EVC2: variants seen among roughly 807,000 people sequenced by gnomAD.
EVC2 encodes EvC ciliary complex subunit 2.
EVC2 carries 148 observed loss-of-function variants against 149.3 expected under a neutral mutation model. The ratio of observed to expected loss-of-function variants is 0.99; its 90% CI spans 0.87 to 1.14. The LOEUF (loss-of-function observed/expected upper bound fraction) is 1.14, where lower values mean the gene tolerates loss of function less well. EVC2 is among the 50% of genes most tolerant of loss of function. The pLI is 0.00. For synonymous variants in EVC2, 776 were observed against 649.9 expected (o/e 1.19, Z -2.95); for missense variants, 1,854 against 1,627.3 (o/e 1.14, Z -2.40).
chr4:5,576,142 G>C lies in EVC2; in HGVS notation c.3272+98C>G, dbSNP rs1722908856. The stretch of plus-strand genomic sequence containing the variant: ...GATGACACCTTAGGCAAGAGGGTGA[G>C]AGCCCAGGTGGGTATGGGTGGGCTG... On this transcript the variant is annotated intron_variant, in intron 18 of 21. Coordinates refer to ENST00000344408, the MANE Select transcript of EVC2 (RefSeq NM_147127.5). This position sits in a 1 kb window ranked among gnomAD's most constrained non-coding sequence, Gnocchi z 4.5. The C allele has an allele frequency of 2.5e-6, 4 of 1,591,854 alleles. No individual in the cohort carries two copies. In the Admixed American group the frequency reaches 5.0e-5, roughly 20 times the overall value.
Position 5,683,511 on chromosome 4 carries a change from G to A in EVC2, c.816+1859C>T, listed in dbSNP as rs577525392. On this transcript the variant is annotated intron_variant, in intron 6 of 21. Transcript: ENST00000344408. ...GTTACTGAGCACCTATTACGTGCAG[G>A]GTTCTCTTTTTGGCCCTGGAGACAC... Among the ~76,000 whole-genome samples the A allele has an allele frequency of 2.0e-5, 3 of 152,286 alleles. No individual in the cohort carries two copies. In the East Asian group the frequency reaches 5.8e-4, roughly 29 times the overall value.
rs760929007 is a variant in EVC2, at chr4:5,625,925, T to G, written c.1887-17A>C. On this transcript the variant is annotated splice_polypyrimidine_tract_variant and intron_variant, in intron 12 of 21. Coordinates refer to ENST00000344408, the MANE Select transcript of EVC2 (RefSeq NM_147127.5). This position sits in a 1 kb window ranked among gnomAD's most constrained non-coding sequence, Gnocchi z 4.0. The stretch of plus-strand genomic sequence containing the variant: ...TACCCTGCTCTAGATGGAAAGGATG[T>G]AAAGTTAGGAATGTGGTCTCCAAAC... The G allele has an allele frequency of 1.2e-6, 2 of 1,613,574 alleles. No individual in the cohort carries two copies. The highest frequency in any genetic ancestry group is 3.3e-5 in the Admixed American group (2 of 59,984).
At position 5,625,443 on chromosome 4, in the gene EVC2, A is replaced by C. The variant is rs950051768; in HGVS notation, c.2046+306T>G. Among the ~76,000 whole-genome samples, 1 of 152,106 alleles carries C rather than the reference A, an allele frequency of 6.6e-6. No individual in the cohort carries two copies. The highest frequency in any genetic ancestry group is 2.4e-5 in the African/African-American group (1 of 41,420). ...CACAGTGCTAAGTAAGCAGCCAATA[A>C]ATGTTAGCACCTACCATCATCATTA... On this transcript the variant is annotated intron_variant, in intron 13 of 21. Transcript: ENST00000344408. This position sits in a 1 kb window ranked among gnomAD's most constrained non-coding sequence, Gnocchi z 4.0.
In EVC2 at chr4:5,679,402, A is replaced by T. The variant is rs550329577; in HGVS notation, c.870+1858T>A. On this transcript the variant is annotated intron_variant, in intron 7 of 21. Transcript: ENST00000344408. The surrounding 1 kb of genome is among the most constrained non-coding windows in gnomAD (Gnocchi z 5.1). ...AGACACGCACCACCATGCTCAGCTA[A>T]TTTTTTTTGTATTTTTAGTAAAGAC... Among the ~76,000 whole-genome samples the T allele has an allele frequency of 7.1e-4, 107 of 151,702 alleles. No homozygotes were observed. Among genetic ancestry groups the T allele is most frequent in the African/African-American group, 2.5e-3 (105 of 41,380 alleles).
Position 5,614,508 on chromosome 4 carries a change from G to A in EVC2, c.2829+914C>T, listed in dbSNP as rs1715088167. Among the ~76,000 whole-genome samples the A allele has an allele frequency of 6.6e-6, 1 of 152,142 alleles. No individual in the cohort carries two copies. The highest frequency in any genetic ancestry group is 1.5e-5 in the Non-Finnish European group (1 of 68,022). On this transcript the variant is annotated intron_variant, in intron 16 of 21. Coordinates refer to ENST00000344408, the MANE Select transcript of EVC2 (RefSeq NM_147127.5). This position sits in a 1 kb window ranked among gnomAD's most constrained non-coding sequence, Gnocchi z 4.7. ...ATGAGTGGGAGAATCTACGGTGTTC[G>A]GGTAAGGCTTCTTGGAAGGGGAGAC... is the stretch of plus-strand genomic sequence containing the variant.
At position 5,562,862 on chromosome 4, in the gene EVC2, A is replaced by C. The variant is rs751671346; in HGVS notation, c.3913T>G (p.Leu1305Val). 8.1e-6 allele frequency: 13 copies of C among 1,614,110 alleles called. No individual in the cohort carries two copies. The highest frequency in any genetic ancestry group is 6.7e-5 in the Admixed American group (4 of 60,032). ...FLNAKKAMRA[L>V]GMD ...TTTCCCTTGGGCTAGTCCATGCCCA[A>C]GGCCCTCATGGCCTTTTTGGCATTC... Residue 1305 changes from leucine (L) to valine (V), a missense_variant, in exon 22 of 22, where the codon TTG becomes GTG. By Grantham distance (32) the Leu-to-Val change is conservative (BLOSUM62 1). Transcript: ENST00000344408. The surrounding 1 kb of genome is among the most constrained non-coding windows in gnomAD (Gnocchi z 4.3).
intron 9 of EVC2, among the ~76,000 whole-genome samples, chr4:5,642,531 T>C (rs7356444): frequency 0.66 from 99,995 of 152,126 alleles, 33,082 homozygotes; most frequent in African/African-American, 0.72. Context: ...ACTTGCAAAT[T>C]ACAAAATCTA....
intron 9 of EVC2, among the ~76,000 whole-genome samples, chr4:5,659,457 C>T (rs1718740908): frequency 6.7e-6 from 1 of 149,994 alleles, no homozygotes; most frequent in Admixed American, 6.6e-5. Context: ...AACCACAATG[C>T]CTGAAACTGA....
rs1291128558 is a variant in EVC2, at chr4:5,625,311, C to CAA, written c.2046+437_2046+438insTT. Among the ~76,000 whole-genome samples the CAA allele has an allele frequency of 1.4e-5, 1 of 69,890 alleles. No individual in the cohort carries two copies. The highest frequency in any genetic ancestry group is 9.1e-5 in the African/African-American group (1 of 10,948). 45.9% of individuals were successfully genotyped at this position (69,890 alleles called of 152,430 possible). On this transcript the variant is annotated intron_variant, in intron 13 of 21. Transcript: ENST00000344408. The surrounding 1 kb of genome is among the most constrained non-coding windows in gnomAD (Gnocchi z 4.0). ...CTAGATATTTGACCTTGACCATACA[C>CAA]ACACACACACACACACACACACACA...
chr4:5,704,999 T>C (rs942239243), intron 1 of EVC2, among the ~76,000 whole-genome samples: 1 of 152,184 alleles, frequency 6.6e-6, no homozygotes, highest in African/African-American at 2.4e-5. Context: ...CGTGAGCTTA[T>C]TTGACTAATA....
chr4:5,679,341 T>C lies in EVC2; in HGVS notation c.870+1919A>G, dbSNP rs1231142224. 1.3e-5 allele frequency among the ~76,000 whole-genome samples: 2 copies of C among 152,172 alleles called. No individual in the cohort carries two copies. The highest frequency in any genetic ancestry group is 2.1e-4 in the South Asian group (1 of 4,818). The stretch of plus-strand genomic sequence containing the variant: ...ACCTCCGCCTCCCAGGTTCAAGCAA[T>C]TCGCATGTCTCAGTCTCCCGAGTAG... On this transcript the variant is annotated intron_variant, in intron 7 of 21. Coordinates refer to ENST00000344408, the MANE Select transcript of EVC2 (RefSeq NM_147127.5). This position sits in a 1 kb window ranked among gnomAD's most constrained non-coding sequence, Gnocchi z 5.1.
rs543246739 is a variant in EVC2, at chr4:5,586,919, G to A, written c.2830-2069C>T. 3.3e-4 allele frequency among the ~76,000 whole-genome samples: 50 copies of A among 152,160 alleles called. 1 individual carries two copies. The South Asian group carries it at 8.1e-3, about 25-fold the overall frequency. The stretch of plus-strand genomic sequence containing the variant: ...GTGTCATGGGTGTGTCCTTAACCTT[G>A]GCAAAATAAATTTTCTAAACTGATT... On this transcript the variant is annotated intron_variant, in intron 16 of 21. Transcript: ENST00000344408.
chr4:5,675,736 G>A (rs1257968908), intron 7 of EVC2, among the ~76,000 whole-genome samples: 3 of 152,028 alleles, frequency 2.0e-5, no homozygotes, highest in Admixed American at 6.5e-5. Context: ...CCTGAGGTCC[G>A]GAGTTCAAGA....
chr4:5,618,481 C>G lies in EVC2; in HGVS notation c.2703G>C (p.Leu901=). Residue 901 remains leucine (L), a synonymous_variant, in exon 15 of 22, where the codon CTG becomes CTC. Transcript: ENST00000344408. The surrounding 1 kb of genome is among the most constrained non-coding windows in gnomAD (Gnocchi z 4.4). ...GCCACTGACAGGTCCATCCTACCTG[C>G]AGCTCAGGGGCAGCCACGGCCTGGT... ...KLDQAVAAPE[L]QQQSKVRKSR... is the part of the protein sequence containing the mutation. 6.2e-7 allele frequency: 1 copy of G among 1,612,834 alleles called. No homozygotes were observed. The highest frequency in any genetic ancestry group is 2.0e-4 in the Middle Eastern group (1 of 4,924).
At chr4:5,623,032 G>A (rs759367260) in intron 13 of EVC2, 41 bp from the exon 14 acceptor site, 5 of 1,594,148 alleles carry the variant, frequency 3.1e-6, no homozygotes, top group Non-Finnish European at 4.3e-6. Context: ...GGTGGGGCTT[G>A]GCGGGTACAG....
rs140474832 is a variant in EVC2, at chr4:5,612,008, C to A, written c.2829+3414G>T. The stretch of plus-strand genomic sequence containing the variant: ...GTTGATCTTCCTTACAGATTAACTT[C>A]CCTCTTCTCTCACACACAGACTTCA... On this transcript the variant is annotated intron_variant, in intron 16 of 21. Coordinates refer to ENST00000344408, the MANE Select transcript of EVC2 (RefSeq NM_147127.5). 6.6e-5 allele frequency among the ~76,000 whole-genome samples: 10 copies of A among 152,314 alleles called. No individual in the cohort carries two copies. In the East Asian group the frequency reaches 1.7e-3, roughly 26 times the overall value.
rs1720334530 is a variant in EVC2 at position 5,681,369 on chromosome 4, G to C, written c.817-56C>G. The C allele has an allele frequency of 7.6e-6, 12 of 1,580,662 alleles. No individual in the cohort carries two copies. In the South Asian group the frequency reaches 1.3e-4, roughly 18 times the overall value. ...CAACAGTTTGGGGTCTGACACGTGGGATAACATTTGGTGCGATTTCCAACC... is the reference window on the plus strand; with the variant it reads ...CAACAGTTTGGGGTCTGACACGTGGCATAACATTTGGTGCGATTTCCAACC... On this transcript the variant is annotated intron_variant, in intron 6 of 21. Coordinates refer to ENST00000344408, the MANE Select transcript of EVC2 (RefSeq NM_147127.5).
chr4:5,590,894 C>T (rs1210258592), intron 16 of EVC2, among the ~76,000 whole-genome samples: 1 of 152,168 alleles, frequency 6.6e-6, no homozygotes, highest in Non-Finnish European at 1.5e-5. Flanking sequence ...CAAACACATC[C>T]TTCTTCACAT....
rs908317140 is a variant in EVC2 at position 5,679,418 on chromosome 4, T to C, written c.870+1842A>G. Among the ~76,000 whole-genome samples the C allele has an allele frequency of 6.6e-6, 1 of 152,082 alleles. No individual in the cohort carries two copies. The highest frequency in any genetic ancestry group is 6.5e-5 in the Admixed American group (1 of 15,268). ...GCTCAGCTAATTTTTTTTGTATTTT[T>C]AGTAAAGACCGGTTTAGCCATGTTG... On this transcript the variant is annotated intron_variant, in intron 7 of 21. Transcript: ENST00000344408. This position sits in a 1 kb window ranked among gnomAD's most constrained non-coding sequence, Gnocchi z 5.1.
Sources: allele counts gnomAD v4.1 joint callset (sites outside exome capture counted in the v4.1 genomes callset), GRCh38; gene constraint gnomAD v4.1.1; non-coding constraint Gnocchi (gnomAD v3.1); transcripts MANE v1.5; gene names NCBI Gene and HGNC (gene_info 2026-07-23, HGNC 2026-07-21).